NAT10: variants seen among roughly 807,000 people sequenced by gnomAD.
The protein encoded by NAT10 is RNA cytidine acetyltransferase.
A neutral mutation model predicts 132.2 loss-of-function variants in NAT10; 109 were observed. The ratio of observed to expected loss-of-function variants is 0.82; its 90% CI spans 0.71 to 0.97. The LOEUF (loss-of-function observed/expected upper bound fraction) is 0.97. Among genes scored for constraint, NAT10 ranks in the 50% least tolerant of loss-of-function variants. The probability of loss-of-function intolerance (pLI) is 0.00; values close to 1 mark genes in which losing one functional copy is unlikely to be tolerated. For missense variants in NAT10, 1,184 were observed against 1,263.4 expected (o/e 0.94, Z 0.95); for synonymous variants, 479 against 478.0 (o/e 1.00, Z -0.03).
intron 16 of NAT10, among the ~76,000 whole-genome samples, chr11:34,133,861 G>C (rs1244062334): frequency 6.6e-6 from 1 of 152,070 alleles, no homozygotes; most frequent in Non-Finnish European, 1.5e-5. Context: ...TGTTAAGAAT[G>C]GATGTGTCAG....
Position 34,130,684 on chromosome 11 carries a change from G to A in NAT10, c.1245-129G>A, listed in dbSNP as rs1051203310. The A allele has an allele frequency of 3.3e-6, 4 of 1,220,448 alleles. No homozygotes were observed. In the Admixed American group the frequency reaches 8.4e-5, roughly 26 times the overall value. The allele number at this position is 1,220,448 out of a possible 1,614,324, so 75.6% of individuals were successfully genotyped here. A position where few individuals can be genotyped will look rare whatever the true frequency, so the allele number is the denominator to read the frequency against. On this transcript the variant is annotated intron_variant, in intron 12 of 28. Coordinates refer to ENST00000257829, the MANE Select transcript of NAT10 (RefSeq NM_024662.3). The stretch of plus-strand genomic sequence containing the variant: ...GTGCCTGCTATGCTGGAAGTTCAGA[G>A]ATGAGCAAGGCTGTCCTGGGGGAAG...
chr11:34,134,277 A>C (rs771310464), intron 16 of NAT10, 42 bp from the exon 17 acceptor site: 1 of 1,524,822 alleles, frequency 6.6e-7, no homozygotes, highest in Non-Finnish European at 9.1e-7. Context: ...GCTCTGTATC[A>C]GAGTTGGCCT....
intron 8 of NAT10, among the ~76,000 whole-genome samples, 153 bp from the exon 9 acceptor site, chr11:34,122,306 A>T: frequency 6.6e-6 from 1 of 152,124 alleles, no homozygotes; most frequent in East Asian, 1.9e-4. Context: ...AGGGAGTGAG[A>T]AGTCCAGGTG....
chr11:34,123,940 C>T (rs573845209), intron 10 of NAT10, 85 bp downstream of exon 10: 175 of 1,049,008 alleles, frequency 1.7e-4, no homozygotes, highest in South Asian at 1.3e-3. Context: ...GAGGCCGACG[C>T]GGGCGGATCA....
chr11:34,119,401 T>C (rs568782713), intron 8 of NAT10, among the ~76,000 whole-genome samples: 4 of 152,374 alleles, frequency 2.6e-5, no homozygotes, highest in African/African-American at 9.6e-5. Context: ...GCTTCCCTTT[T>C]CATTCTGGAA....
At chr11:34,107,522 T>A (rs1053571994) in intron 1 of NAT10, among the ~76,000 whole-genome samples, 2 of 152,266 alleles carry the variant, frequency 1.3e-5, no homozygotes, top group Admixed American at 6.5e-5. Context: ...CTTTGGTATT[T>A]CCTTCCAGTC....
At chr11:34,109,814 A>G (rs1489885361) in intron 3 of NAT10, among the ~76,000 whole-genome samples, 2 of 152,184 alleles carry the variant, frequency 1.3e-5, no homozygotes, top group African/African-American at 4.8e-5. Flanking sequence ...TATCTGCTCT[A>G]TGCAGACCAA....
chr11:34,140,349 CATG>C lies in NAT10; in HGVS notation c.2420-49_2420-47del, dbSNP rs772752926. On this transcript the variant is annotated intron_variant, in intron 23 of 28. Coordinates refer to ENST00000257829, the MANE Select transcript of NAT10 (RefSeq NM_024662.3). The stretch of plus-strand genomic sequence containing the variant: ...GCCGCCTGGGGGCTGTGTGCTATCT[CATG>C]AGGGCGCCGGGTGACCTAACCTGTC... 2.6e-4 allele frequency: 411 copies of C among 1,565,836 alleles called. 2 individuals are homozygous for C. The Middle Eastern group carries it at 0.014, about 54-fold the overall frequency.
intron 1 of NAT10, among the ~76,000 whole-genome samples, chr11:34,106,683 AG>A (rs2134148368): frequency 6.6e-6 from 1 of 152,332 alleles, no homozygotes; most frequent in Admixed American, 6.5e-5. Context: ...CTTTGGAGTC[AG>A]GAAGACTTGA....
Position 34,133,011 on chromosome 11 carries a change from G to A in NAT10, c.1618-15G>A, listed in dbSNP as rs754608208. ...GGAAGAGTGCTTCTCACTGACCCGT[G>A]TTTGGCTTCCACAGAACTCTCCCAA... On this transcript the variant is annotated splice_polypyrimidine_tract_variant and intron_variant, in intron 15 of 28. Transcript: ENST00000257829. 9 of 1,605,510 alleles carry A rather than the reference G, an allele frequency of 5.6e-6. No homozygotes were observed. The South Asian group carries it at 8.8e-5, about 16-fold the overall frequency.
chr11:34,134,407 C>T lies in NAT10; in HGVS notation c.1823C>T (p.Thr608Ile), dbSNP rs765083421. The T allele has an allele frequency of 1.9e-6, 3 of 1,614,128 alleles. No homozygotes were observed. Among genetic ancestry groups the T allele is most frequent in the South Asian group, 2.2e-5 (2 of 91,084 alleles). The change falls in exon 17 of 29, where the codon ACA becomes ATA. Residue 608 changes from threonine to isoleucine, a missense_variant. Transcript: ENST00000257829. ...GCTTCAGGGGACCTGATTCCATGGA[C>T]AGTGTCAGAACAGGTGACGGGCTTT... ...KKASGDLIPW[T>I]VSEQFQDPDF...
intron 1 of NAT10, 170 bp downstream of exon 1, chr11:34,105,962 C>T (rs1275517563): frequency 6.6e-6 from 1 of 152,354 alleles, no homozygotes; most frequent in Non-Finnish European, 1.5e-5. Context: ...ACAGAATCAC[C>T]TCTCCAATAC....
At chr11:34,137,213 A>G (rs1433815224) in intron 21 of NAT10, among the ~76,000 whole-genome samples, 187 bp downstream of exon 21, 1 of 152,132 alleles carries the variant, frequency 6.6e-6, no homozygotes, top group Admixed American at 6.5e-5. Context: ...ATCATCACAC[A>G]TTTCTTCTCC....
intron 21 of NAT10, chr11:34,138,942 T>G (rs1240152637): frequency 2.1e-6 from 1 of 473,210 alleles, no homozygotes; most frequent in East Asian, 3.6e-5. Flanking sequence ...GCAGCTCTTC[T>G]CTGTGTCTGT....
intron 11 of NAT10, 104 bp from the exon 12 acceptor site, chr11:34,127,359 C>T (rs1852013933): frequency 8.0e-7 from 1 of 1,255,158 alleles, no homozygotes; most frequent in African/African-American, 1.5e-5. Flanking sequence ...GAGAAGGAAA[C>T]AGGGAGAGAG....
chr11:34,135,496 G>C (rs1852192443), intron 19 of NAT10, among the ~76,000 whole-genome samples: 1 of 152,138 alleles, frequency 6.6e-6, no homozygotes, highest in South Asian at 2.1e-4. Flanking sequence ...AAATTCTTGA[G>C]CCCCACTCCA....
chr11:34,126,354 A>G (rs913690384), intron 11 of NAT10, among the ~76,000 whole-genome samples: 1 of 152,192 alleles, frequency 6.6e-6, no homozygotes, highest in Non-Finnish European at 1.5e-5. Flanking sequence ...TTATCTGTCC[A>G]TAAGTGGAAA....
rs866615125 is a variant in NAT10 at position 34,139,649 on chromosome 11, T to A, written c.2419+154T>A. 80 of 654,320 alleles carry A rather than the reference T, an allele frequency of 1.2e-4. No homozygotes were observed. The African/African-American group carries it at 1.4e-3, about 11-fold the overall frequency. The allele number at this position is 654,320 out of a possible 1,614,324, so 40.5% of individuals were successfully genotyped here. A position where few individuals can be genotyped will look rare whatever the true frequency, so the allele number is the denominator to read the frequency against. On this transcript the variant is annotated intron_variant, in intron 23 of 28. Coordinates refer to ENST00000257829, the MANE Select transcript of NAT10 (RefSeq NM_024662.3). Reference sequence around the variant, plus strand: ...CACCACCCGCTTGCCAGGCCCCTGCTCTGTCCCAGGCTGTGCTGTCTTTCA... The same window carrying A: ...CACCACCCGCTTGCCAGGCCCCTGCACTGTCCCAGGCTGTGCTGTCTTTCA...
At position 34,146,405 on chromosome 11, in the gene NAT10, A is replaced by G; in HGVS notation, c.*213A>G. On this transcript the variant is annotated 3_prime_UTR_variant, in exon 29 of 29. Coordinates refer to ENST00000257829, the MANE Select transcript of NAT10 (RefSeq NM_024662.3). Reference sequence around the variant, plus strand: ...TCTCTTTAGAACTTGATGGCTGGGCACTGCCATCTCTAGAATTGCCACGAG... The same window carrying G: ...TCTCTTTAGAACTTGATGGCTGGGCGCTGCCATCTCTAGAATTGCCACGAG... The G allele has an allele frequency of 2.2e-6, 1 of 452,662 alleles. No homozygotes were observed. Among genetic ancestry groups the G allele is most frequent in the Non-Finnish European group, 3.9e-6 (1 of 254,226 alleles). The allele number at this position is 452,662 out of a possible 1,614,324, so 28.0% of individuals were successfully genotyped here.
Sources: allele counts gnomAD v4.1 joint callset (sites outside exome capture counted in the v4.1 genomes callset), GRCh38; gene constraint gnomAD v4.1.1; transcripts MANE v1.5; gene names NCBI Gene and HGNC (gene_info 2026-07-23, HGNC 2026-07-21).